Variants in ART3 observed in about 807,000 individuals in gnomAD.
The protein encoded by ART3 is ADP-ribosyltransferase 3 (inactive), also known as ecto-ADP-ribosyltransferase 3.
ART3 carries 49 observed loss-of-function variants against 48.5 expected under a neutral mutation model. That is an observed-to-expected ratio of 1.01 (90% confidence interval 0.80 to 1.28). The LOEUF is 1.28. Ranked by LOEUF, ART3 falls within the 50% of genes most tolerant of loss-of-function variation. The pLI is 0.00. For missense variants in ART3, 438 were observed against 454.3 expected, an observed-to-expected ratio of 0.96 and a Z score of 0.33; for synonymous variants, 145 against 157.2, an observed-to-expected ratio of 0.92 and a Z score of 0.58.
chr4:76,037,883 T>A (rs1301745397), intron 1 of ART3, among the ~76,000 whole-genome samples: 1 of 152,182 alleles, frequency 6.6e-6, no homozygotes, highest in Non-Finnish European at 1.5e-5. Context: ...TACTTTTAGA[T>A]TATTATTTTA....
At chr4:76,073,232 A>G (rs1720502871), upstream of ART3, among the ~76,000 whole-genome samples, 1 of 152,240 alleles carries the variant, frequency 6.6e-6, no homozygotes, top group Non-Finnish European at 1.5e-5. Context: ...ATTTGGTTAA[A>G]AACTGGAACA....
At chr4:76,107,642 C>T in intron 10 of ART3, 119 bp from the exon 11 acceptor site, 1 of 624,490 alleles carries the variant, frequency 1.6e-6, no homozygotes, top group Non-Finnish European at 2.8e-6. Flanking sequence ...AAACCTATTA[C>T]CCTGCCCCTC....
At chr4:76,052,188 C>G (rs1736174740) in intron 1 of ART3, among the ~76,000 whole-genome samples, 2 of 152,088 alleles carry the variant, frequency 1.3e-5, no homozygotes, top group African/African-American at 4.8e-5. Flanking sequence ...TGAGACCTGC[C>G]TGGTCAATAT....
At chr4:76,040,908 A>G (rs546658375) in intron 1 of ART3, among the ~76,000 whole-genome samples, 1 of 151,900 alleles carries the variant, frequency 6.6e-6, no homozygotes, top group East Asian at 1.9e-4. Context: ...TAATGTGGAT[A>G]CTCTCTCCTT....
chr4:76,013,087 G>C (rs1025418716), intron 1 of ART3, among the ~76,000 whole-genome samples: 5 of 152,136 alleles, frequency 3.3e-5, no homozygotes, highest in African/African-American at 1.2e-4. Context: ...AGAAGAAGTG[G>C]TATGATAAAG....
At chr4:76,050,775 C>T (rs558258911) in intron 1 of ART3, among the ~76,000 whole-genome samples, 4 of 152,286 alleles carry the variant, frequency 2.6e-5, no homozygotes, top group Admixed American at 1.3e-4. Context: ...TCAGGCATGG[C>T]GGGCTGCAGG....
chr4:76,106,707 C>T (rs952528903), intron 10 of ART3, among the ~76,000 whole-genome samples: 4 of 152,100 alleles, frequency 2.6e-5, no homozygotes, highest in South Asian at 4.1e-4. Context: ...TGTATGAGGG[C>T]GAAGTTTGGG....
intron 1 of ART3, among the ~76,000 whole-genome samples, chr4:76,020,060 A>G (rs1267507658): frequency 6.6e-6 from 1 of 151,590 alleles, no homozygotes; most frequent in African/African-American, 2.4e-5. Context: ...ACATCTTTGT[A>G]TGTTAGGGGC....
rs531009323 is a variant in ART3 at position 76,098,133 on chromosome 4, G to A, written c.814+457G>A. Among the ~76,000 whole-genome samples, 6 of 150,856 alleles carry A rather than the reference G, an allele frequency of 4.0e-5. No homozygotes were observed. In the East Asian group the frequency reaches 5.9e-4, roughly 15 times the overall value. On this transcript the variant is annotated intron_variant, in intron 4 of 11. Coordinates refer to ENST00000355810, the MANE Select transcript of ART3 (RefSeq NM_001130016.3). ...ATGAATATAGGTCGAGGAAGGAGGAGAATGGGATGACAGAAGGGTAATGCG... is the reference window on the plus strand; with the variant it reads ...ATGAATATAGGTCGAGGAAGGAGGAAAATGGGATGACAGAAGGGTAATGCG...
chr4:76,049,146 T>A (rs1403957038), intron 1 of ART3, among the ~76,000 whole-genome samples: 2 of 151,940 alleles, frequency 1.3e-5, no homozygotes, highest in African/African-American at 2.4e-5. Flanking sequence ...TCTTTCTGAT[T>A]GGTGAGCCTG....
intron 10 of ART3, among the ~76,000 whole-genome samples, chr4:76,106,754 G>A (rs1312687909): frequency 6.6e-6 from 1 of 152,104 alleles, no homozygotes; most frequent in Non-Finnish European, 1.5e-5. Context: ...CTCCCTTTGT[G>A]CCCGAGCTGT....
chr4:76,054,918 A>G (rs748074650), intron 1 of ART3, among the ~76,000 whole-genome samples: 6 of 152,234 alleles, frequency 3.9e-5, no homozygotes, highest in Admixed American at 2.0e-4. Context: ...TGAAAAGCCA[A>G]TAAAACATTT....
intron 1 of ART3, among the ~76,000 whole-genome samples, chr4:76,027,983 G>A (rs201610067): frequency 6.6e-6 from 1 of 152,322 alleles, no homozygotes; most frequent in East Asian, 1.9e-4. Context: ...CCTTTTCAGT[G>A]ACTAGGATGA....
intron 1 of ART3, among the ~76,000 whole-genome samples, chr4:76,050,802 G>T (rs1030113514): frequency 6.6e-6 from 1 of 152,210 alleles, no homozygotes; most frequent in African/African-American, 2.4e-5. Context: ...GCCCTGCCCC[G>T]CAGGAAGGCA....
intron 5 of ART3, 151 bp from the exon 6 acceptor site, chr4:76,100,140 C>T (rs772715647): frequency 9.8e-6 from 6 of 614,314 alleles, no homozygotes; most frequent in East Asian, 3.5e-5. Flanking sequence ...AGACTGTGAC[C>T]GACAACTTAA....
At chr4:76,055,323 T>G (rs569971094) in intron 1 of ART3, among the ~76,000 whole-genome samples, 2 of 152,240 alleles carry the variant, frequency 1.3e-5, no homozygotes, top group Non-Finnish European at 2.9e-5. Flanking sequence ...TGCCATCATT[T>G]GTTTAATGTC....
At position 76,063,521 on chromosome 4, in the gene ART3, T is replaced by C. The variant is rs572478974; in HGVS notation, c.-9-12360T>C. Among the ~76,000 whole-genome samples, 8 of 152,192 alleles carry C rather than the reference T, an allele frequency of 5.3e-5. No individual in the cohort carries two copies. The East Asian group carries it at 1.5e-3, about 29-fold the overall frequency. The stretch of plus-strand genomic sequence containing the variant: ...ATAATCTGTAGTTAGGAAGACAAGA[T>C]TCACAAAAAGAAACTAGGAAAAAAT... On this transcript the variant is annotated intron_variant, in intron 1 of 9. Transcript: ENST00000341029.
chr4:76,105,421 G>C (rs1445895048), intron 10 of ART3: 2 of 1,124,868 alleles, frequency 1.8e-6, no homozygotes, highest in East Asian at 6.0e-5. Flanking sequence ...GGACTGATGA[G>C]ATAAAGTACC....
chr4:76,018,367 T>C (rs1348667242), intron 1 of ART3, among the ~76,000 whole-genome samples: 1 of 152,172 alleles, frequency 6.6e-6, no homozygotes, highest in South Asian at 2.1e-4. Context: ...TTCTCACTTA[T>C]AAGTGGGAAC....
Sources: allele counts gnomAD v4.1 joint callset (sites outside exome capture counted in the v4.1 genomes callset), GRCh38; gene constraint gnomAD v4.1.1; transcripts MANE v1.5; gene names NCBI Gene and HGNC (gene_info 2026-07-23, HGNC 2026-07-21).